The following HOTAIR variants were observed in gnomAD, a reference collection of about 807,000 sequenced individuals.
HOTAIR encodes HOX transcript antisense RNA (non-protein coding).
chr12:53,973,611 C>G lies in HOTAIR; in HGVS notation n.59+1287G>C, dbSNP rs774417074. On this transcript the variant is annotated intron_variant and non_coding_transcript_variant, in intron 1 of 6. Coordinates refer to ENST00000424518, the Ensembl canonical transcript of HOTAIR. This position sits in a 1 kb window ranked among gnomAD's most constrained non-coding sequence, Gnocchi z 4.3. ...GAAAAACGAAGGCTCCTACGGCGGCCACCACCACCCCAGCGCCCCGCACGC... is the reference window on the plus strand; with the variant it reads ...GAAAAACGAAGGCTCCTACGGCGGCGACCACCACCCCAGCGCCCCGCACGC... The G allele has an allele frequency of 3.7e-6, 6 of 1,613,714 alleles. No homozygotes were observed. The highest frequency in any genetic ancestry group is 5.1e-6 in the Non-Finnish European group (6 of 1,180,006).
intron 1 of HOTAIR, among the ~76,000 whole-genome samples, chr12:53,969,865 C>T (rs1485830630): frequency 6.6e-6 from 1 of 152,242 alleles, no homozygotes; most frequent in Non-Finnish European, 1.5e-5. Flanking sequence ...GGGCTCCTTT[C>T]CCTACCACGA....
chr12:53,966,096 G>A (rs569020952), intron 4 of HOTAIR: 3 of 152,388 alleles, frequency 2.0e-5, no homozygotes, highest in Non-Finnish European at 4.4e-5. Context: ...TCCTTTACCG[G>A]GGGTGAGCCG....
At chr12:53,974,444 G>T (rs909568713) in intron 1 of HOTAIR, among the ~76,000 whole-genome samples, 3 of 152,086 alleles carry the variant, frequency 2.0e-5, no homozygotes, top group African/African-American at 7.2e-5. Context: ...GGACCGCTAT[G>T]ATCCTTCTTA....
intron 2 of HOTAIR, chr12:53,968,044 C>G (rs889201463): frequency 1.3e-5 from 2 of 152,182 alleles, no homozygotes; most frequent in Non-Finnish European, 2.9e-5. Context: ...GGGATATAAA[C>G]AGGCCAGGCG....
intron 1 of HOTAIR, among the ~76,000 whole-genome samples, chr12:53,972,908 C>CCCCAA: frequency 6.6e-6 from 1 of 151,598 alleles, no homozygotes; most frequent in South Asian, 2.1e-4. Context: ...GCCCACCCCA[C>CCCCAA]CCCAACCCTC....
Position 53,973,358 on chromosome 12 carries a change from C to G in HOTAIR, n.59+1540G>C. 2 of 1,613,260 alleles carry G rather than the reference C, an allele frequency of 1.2e-6. No homozygotes were observed. The highest frequency in any genetic ancestry group is 1.7e-6 in the Non-Finnish European group (2 of 1,179,756). Reference sequence around the variant, plus strand: ...ACCTCTATCTGCCCAGTTGCACTTACTACATGCCCGAGTTCTCCACGGTCT... The same window carrying G: ...ACCTCTATCTGCCCAGTTGCACTTAGTACATGCCCGAGTTCTCCACGGTCT... On this transcript the variant is annotated intron_variant and non_coding_transcript_variant, in intron 1 of 6. Coordinates refer to ENST00000424518, the Ensembl canonical transcript of HOTAIR. The surrounding 1 kb of genome is among the most constrained non-coding windows in gnomAD (Gnocchi z 4.3).
intron 1 of HOTAIR, among the ~76,000 whole-genome samples, chr12:53,972,312 T>C (rs1318983392): frequency 1.3e-5 from 2 of 152,208 alleles, no homozygotes; most frequent in African/African-American, 4.8e-5. Context: ...TTCACATTGA[T>C]TGACAATAAA....
rs1939226726 is a variant in HOTAIR, at chr12:53,974,878, C to T, written n.59+20G>A. On this transcript the variant is annotated intron_variant and non_coding_transcript_variant, in intron 1 of 6. Transcript: ENST00000424518. ...GGCGGAGGGGGAGCAGACAGGGGGC[C>T]CGAGGGGACGCACGTGTACCTGGAG... 9.7e-6 allele frequency: 3 copies of T among 308,814 alleles called. No individual in the cohort carries two copies. The East Asian group carries it at 1.9e-4, about 19-fold the overall frequency. 19.1% of individuals were successfully genotyped at this position (308,814 alleles called of 1,614,324 possible). A position where few individuals can be genotyped will look rare whatever the true frequency, so the allele number is the denominator to read the frequency against.
At chr12:53,967,725 A>G (rs1408813957) in intron 2 of HOTAIR, among the ~76,000 whole-genome samples, 2 of 152,162 alleles carry the variant, frequency 1.3e-5, no homozygotes, top group Non-Finnish European at 2.9e-5. Context: ...CCAGTTAGTG[A>G]GGTGGTTTAT....
exon 2 of HOTAIR, chr12:53,968,617 C>T (rs911248229): frequency 1.3e-5 from 2 of 152,296 alleles, no homozygotes; most frequent in Admixed American, 6.5e-5. Flanking sequence ...CAACACTCAC[C>T]CCACGGAGCA....
chr12:53,972,142 C>A (rs557962542), intron 1 of HOTAIR, among the ~76,000 whole-genome samples: 5 of 152,336 alleles, frequency 3.3e-5, no homozygotes, highest in African/African-American at 1.2e-4. Context: ...GTCCCCCCCA[C>A]CATATTCTTC....
intron 3 of HOTAIR, chr12:53,967,257 C>G (rs942174531): frequency 1.3e-5 from 2 of 152,122 alleles, no homozygotes; most frequent in Admixed American, 6.5e-5. Context: ...CTGCCCCCAC[C>G]TCCCACTTTA....
Position 53,973,518 on chromosome 12 carries a change from T to C in HOTAIR, n.59+1380A>G. 1 of 1,613,822 alleles carries C rather than the reference T, an allele frequency of 6.2e-7. No individual in the cohort carries two copies. The highest frequency in any genetic ancestry group is 8.5e-7 in the Non-Finnish European group (1 of 1,179,994). ...CCATCGGAACAGCTACTCCTCCTGC[T>C]ATGCGGCGGCCGACGAGCTTATGCA... On this transcript the variant is annotated intron_variant and non_coding_transcript_variant, in intron 1 of 6. Coordinates refer to ENST00000424518, the Ensembl canonical transcript of HOTAIR. The surrounding 1 kb of genome is among the most constrained non-coding windows in gnomAD (Gnocchi z 4.3).
chr12:53,970,701 G>C (rs1362214001), intron 1 of HOTAIR, among the ~76,000 whole-genome samples: 2 of 152,178 alleles, frequency 1.3e-5, no homozygotes, highest in East Asian at 1.9e-4. Context: ...CAAGGAAATA[G>C]GGCCGCCAGC....
chr12:53,970,793 A>C (rs1592194803), intron 1 of HOTAIR, among the ~76,000 whole-genome samples: 1 of 152,234 alleles, frequency 6.6e-6, no homozygotes, highest in East Asian at 1.9e-4. Context: ...TCAGTCCAGC[A>C]GCTGTCTCCT....
rs2136376008 is a variant in HOTAIR at position 53,973,887 on chromosome 12, T to A, written n.59+1011A>T. 4 of 1,444,074 alleles carry A rather than the reference T, an allele frequency of 2.8e-6. No homozygotes were observed. The highest frequency in any genetic ancestry group is 3.6e-6 in the Non-Finnish European group (4 of 1,097,260). 89.5% of individuals were successfully genotyped at this position (1,444,074 alleles called of 1,614,324 possible). ...TCCCAGCTCGTCCGGTTCAGCCCAC[T>A]CCGTGGCCAAGGAGCCGGCCAAAGG... On this transcript the variant is annotated intron_variant and non_coding_transcript_variant, in intron 1 of 6. Transcript: ENST00000424518. The surrounding 1 kb of genome is among the most constrained non-coding windows in gnomAD (Gnocchi z 4.3).
At chr12:53,968,557 A>C (rs1939094046) in intron 2 of HOTAIR, 1 of 152,302 alleles carries the variant, frequency 6.6e-6, no homozygotes, top group African/African-American at 2.4e-5. Context: ...GAGACTTGTA[A>C]ATCCTGAGCA....
chr12:53,962,888 T>C (rs1373336565), exon 7 of HOTAIR: 1 of 152,192 alleles, frequency 6.6e-6, no homozygotes, highest in Non-Finnish European at 1.5e-5. Context: ...GCATAATCAC[T>C]CCTGTATGGA....
At chr12:53,971,837 G>C (rs1217573021) in intron 1 of HOTAIR, among the ~76,000 whole-genome samples, 1 of 152,232 alleles carries the variant, frequency 6.6e-6, no homozygotes, top group African/African-American at 2.4e-5. Flanking sequence ...CAAGGGGTTG[G>C]GGATGCAGAA....
Sources: allele counts gnomAD v4.1 joint callset (sites outside exome capture counted in the v4.1 genomes callset), GRCh38; gene constraint gnomAD v4.1.1; non-coding constraint Gnocchi (gnomAD v3.1); transcripts MANE v1.5; gene names NCBI Gene and HGNC (gene_info 2026-07-23, HGNC 2026-07-21).